The following TSPAN18 variants were observed in gnomAD, a reference collection of about 807,000 sequenced individuals.
The protein encoded by TSPAN18 is tetraspanin-18.
A neutral mutation model predicts 27.3 loss-of-function variants in TSPAN18; 14 were observed. That is an observed-to-expected ratio of 0.51 (90% confidence interval 0.34 to 0.80). The LOEUF is 0.80. TSPAN18 is among the 30% of genes least tolerant of loss of function. The probability of loss-of-function intolerance (pLI) is 0.01; values close to 1 mark genes in which losing one functional copy is unlikely to be tolerated. For missense variants in TSPAN18, 268 were observed against 323.9 expected (o/e 0.83, Z 1.32); for synonymous variants, 143 against 136.5 (o/e 1.05, Z -0.33).
chr11:44,904,086 G>A (rs1859367523), intron 3 of TSPAN18, among the ~76,000 whole-genome samples: 1 of 152,144 alleles, frequency 6.6e-6, no homozygotes, highest in Non-Finnish European at 1.5e-5. Context: ...AAACCCTTGG[G>A]GCACTGTTGG....
intron 5 of TSPAN18, among the ~76,000 whole-genome samples, chr11:44,914,253 G>A (rs1460122393): frequency 6.6e-6 from 1 of 152,234 alleles, no homozygotes; most frequent in Non-Finnish European, 1.5e-5. Flanking sequence ...CGGAGCCAAG[G>A]AACAGAGAGG....
chr11:44,827,579 G>T (rs534010584), intron 2 of TSPAN18, among the ~76,000 whole-genome samples: 1 of 152,318 alleles, frequency 6.6e-6, no homozygotes, highest in Non-Finnish European at 1.5e-5. Context: ...TCCCACCCTG[G>T]GGTCATCAGG....
chr11:44,811,516 A>G (rs1447973326), intron 2 of TSPAN18, among the ~76,000 whole-genome samples: 1 of 150,160 alleles, frequency 6.7e-6, no homozygotes, highest in Non-Finnish European at 1.5e-5. Context: ...CTGGAGTGCA[A>G]TGGCACAATC....
intron 1 of TSPAN18, among the ~76,000 whole-genome samples, chr11:44,755,316 T>G (rs1172441627): frequency 6.6e-6 from 1 of 152,086 alleles, no homozygotes; most frequent in Non-Finnish European, 1.5e-5. Flanking sequence ...TTTCTGAGGA[T>G]GTCATGGTTT....
At chr11:44,913,964 G>A (rs564842752) in intron 5 of TSPAN18, among the ~76,000 whole-genome samples, 31 of 152,366 alleles carry the variant, frequency 2.0e-4, no homozygotes, top group African/African-American at 7.2e-4. Context: ...AGGGCGAGTT[G>A]GCAGAGGTGG....
At chr11:44,750,903 C>T in intron 1 of TSPAN18, among the ~76,000 whole-genome samples, 1 of 152,244 alleles carries the variant, frequency 6.6e-6, no homozygotes, top group East Asian at 1.9e-4. Context: ...GTGCCCTCAT[C>T]CTCTAGGGTT....
Position 44,776,363 on chromosome 11 carries a change from T to C in TSPAN18, c.-153+11851T>C, listed in dbSNP as rs191025916. 9.3e-4 allele frequency among the ~76,000 whole-genome samples: 142 copies of C among 152,328 alleles called. 2 individuals are homozygous for C. In the Middle Eastern group the frequency reaches 0.01, roughly 11 times the overall value. On this transcript the variant is annotated intron_variant, in intron 2 of 9. Coordinates refer to ENST00000520358, the MANE Select transcript of TSPAN18 (RefSeq NM_130783.5). ...GTGGTATTGGCCCTGATTTAAATCC[T>C]GGTTCTCACTTGCTGGCTGGGAGAC...
chr11:44,833,348 A>C (rs1435041900), intron 2 of TSPAN18, among the ~76,000 whole-genome samples: 1 of 151,610 alleles, frequency 6.6e-6, no homozygotes, highest in East Asian at 2.0e-4. Context: ...CAAAGCCCCT[A>C]CCTCTGAGCA....
intron 1 of TSPAN18, among the ~76,000 whole-genome samples, chr11:44,758,902 C>T (rs979872689): frequency 2.0e-5 from 3 of 152,190 alleles, no homozygotes; most frequent in East Asian, 1.9e-4. Flanking sequence ...CATCTCCTAC[C>T]GTGTTTCCTA....
At chr11:44,755,474 G>A (rs1189408390) in intron 1 of TSPAN18, among the ~76,000 whole-genome samples, 1 of 151,748 alleles carries the variant, frequency 6.6e-6, no homozygotes, top group Non-Finnish European at 1.5e-5. Flanking sequence ...TGGAGAGCCC[G>A]GCAGACACTG....
chr11:44,894,347 G>C (rs1858961552), intron 3 of TSPAN18, among the ~76,000 whole-genome samples: 1 of 152,208 alleles, frequency 6.6e-6, no homozygotes, highest in Admixed American at 6.5e-5. Context: ...GCCCTCTCCT[G>C]GCCAGGGCAC....
At chr11:44,822,199 A>C (rs1351046351) in intron 2 of TSPAN18, among the ~76,000 whole-genome samples, 1 of 152,050 alleles carries the variant, frequency 6.6e-6, no homozygotes, top group Non-Finnish European at 1.5e-5. Context: ...ATTTAAATGA[A>C]CTTTGATATG....
chr11:44,838,979 A>G (rs1043311678), intron 2 of TSPAN18, among the ~76,000 whole-genome samples: 3 of 152,108 alleles, frequency 2.0e-5, no homozygotes, highest in African/African-American at 7.2e-5. Flanking sequence ...AGGTATTGCT[A>G]GAGAGGTCTT....
At chr11:44,780,663 C>CCTGGAATCCAGTCTGTGT (rs1454004346) in intron 2 of TSPAN18, among the ~76,000 whole-genome samples, 13 of 152,344 alleles carry the variant, frequency 8.5e-5, no homozygotes, top group African/African-American at 2.2e-4. Flanking sequence ...GACTTCCAGT[C>CCTGGAATCCAGTCTGTGT]CTGGAATCCA....
chr11:44,903,761 C>G (rs1173917171), intron 3 of TSPAN18: 3 of 456,054 alleles, frequency 6.6e-6, no homozygotes, highest in South Asian at 1.5e-5. Flanking sequence ...ATCCGCCCCC[C>G]ACCCCATCAC....
chr11:44,738,492 G>T (rs1037575877), intron 1 of TSPAN18, among the ~76,000 whole-genome samples: 1 of 152,336 alleles, frequency 6.6e-6, no homozygotes, highest in East Asian at 1.9e-4. Context: ...CTTATGAGTT[G>T]TGAGGATTAC....
At position 44,931,182 on chromosome 11, in the gene TSPAN18, G is replaced by T; in HGVS notation, c.*2004G>T. ...CCATAAATGACACCTGAGGTCCGTA[G>T]AAGCTAAGCTCCTGAGACCCAGGGG... On this transcript the variant is annotated 3_prime_UTR_variant, in exon 10 of 10. Transcript: ENST00000520358. 3.0e-6 allele frequency: 1 copy of T among 336,118 alleles called. No individual in the cohort carries two copies. Among genetic ancestry groups the T allele is most frequent in the Non-Finnish European group, 5.9e-6 (1 of 169,634 alleles). The allele number at this position is 336,118 out of a possible 1,614,324, so 20.8% of individuals were successfully genotyped here.
At chr11:44,829,796 C>G (rs572037438) in intron 2 of TSPAN18, among the ~76,000 whole-genome samples, 2 of 152,264 alleles carry the variant, frequency 1.3e-5, no homozygotes, top group African/African-American at 4.8e-5. Flanking sequence ...TTTGCACTCC[C>G]CCCAGCAATG....
intron 2 of TSPAN18, among the ~76,000 whole-genome samples, chr11:44,819,283 T>C (rs1856877833): frequency 6.6e-6 from 1 of 152,154 alleles, no homozygotes; most frequent in Admixed American, 6.5e-5. Context: ...TGAGTGCTAA[T>C]GAGAGGAGCC....
Sources: gnomAD v4.1 joint callset for allele counts (sites outside exome capture counted in the v4.1 genomes callset) on GRCh38, gnomAD v4.1.1 for gene constraint, MANE v1.5 for transcripts, NCBI Gene and HGNC (gene_info 2026-07-23, HGNC 2026-07-21) for gene names.